PCDH11X: variants seen among roughly 807,000 people sequenced by gnomAD.
PCDH11X encodes the protein protocadherin 11 X-linked.
PCDH11X carries 18 observed loss-of-function variants against 53.3 expected under a neutral mutation model. The observed-to-expected ratio is 0.34, with a 90% confidence interval of 0.23 to 0.50. The LOEUF (loss-of-function observed/expected upper bound fraction) is 0.50, where lower values mean the gene tolerates loss of function less well. Among genes scored for constraint, PCDH11X ranks in the 20% least tolerant of loss-of-function variants. The pLI is 0.98. For missense variants in PCDH11X, 570 were observed against 1,032.4 expected, an observed-to-expected ratio of 0.55 and a Z score of 6.14; for synonymous variants, 279 against 393.3, an observed-to-expected ratio of 0.71 and a Z score of 3.44.
rs2063029067 is a variant in PCDH11X, at chrX:92,030,227, C to G, written c.3033+150954C>G. On this transcript the variant is annotated intron_variant, in intron 6 of 10. Coordinates refer to ENST00000682573, the MANE Select transcript of PCDH11X (RefSeq NM_032968.5). The stretch of plus-strand genomic sequence containing the variant: ...CTGCCCGCCTTGGCCTCTCAAAGTG[C>G]TGGGATTACATGTGTGAGCCATCGC... 2.7e-5 allele frequency among the ~76,000 whole-genome samples: 3 copies of G among 111,876 alleles called. No homozygotes were observed. The Admixed American group carries it at 2.9e-4, about 11-fold the overall frequency.
chrX:91,823,137 A>C (rs1283421205), intron 4 of PCDH11X, among the ~76,000 whole-genome samples: 10 of 109,717 alleles, frequency 9.1e-5, no homozygotes. Flanking sequence ...GTGCTGAAAA[A>C]AATGTATATT....
intron 6 of PCDH11X, among the ~76,000 whole-genome samples, chrX:92,014,225 G>T (rs1198843586): frequency 1.8e-5 from 2 of 110,766 alleles, no homozygotes; most frequent in East Asian, 5.7e-4. Context: ...GTGGGTGAAG[G>T]ATATGAACAG....
At chrX:91,999,868 A>G (rs1176626316) in intron 6 of PCDH11X, among the ~76,000 whole-genome samples, 1 of 111,778 alleles carries the variant, frequency 8.9e-6, no homozygotes, top group East Asian at 2.8e-4. Flanking sequence ...GAATAGCTTC[A>G]TGGCTTGCAG....
At chrX:92,408,817 T>C (rs1385198607) in intron 9 of PCDH11X, among the ~76,000 whole-genome samples, 6 of 108,575 alleles carry the variant, frequency 5.5e-5, no homozygotes, top group South Asian at 4.1e-4. Context: ...CTCCTGACCT[T>C]GTGATCCGCC....
chrX:92,578,766 G>A (rs1332212279), intron 10 of PCDH11X, among the ~76,000 whole-genome samples: 1 of 106,157 alleles, frequency 9.4e-6, no homozygotes, highest in East Asian at 3.0e-4. Context: ...ATATGGTTAT[G>A]TATGAATTGG....
At chrX:92,380,268 G>A (rs1365040155) in intron 8 of PCDH11X, among the ~76,000 whole-genome samples, 3 of 107,708 alleles carry the variant, frequency 2.8e-5, no homozygotes, top group African/African-American at 1.0e-4. Flanking sequence ...CTGGTTATGC[G>A]CAGTGGCCGG....
chrX:92,218,340 C>G lies in PCDH11X; in HGVS notation c.3114+16885C>G, dbSNP rs766150850. ...AGAAAAGAGAGAAGAATCAAATAGACGCAATAAAAAATGATAAAGGGGATA... is the reference window on the plus strand; with the variant it reads ...AGAAAAGAGAGAAGAATCAAATAGAGGCAATAAAAAATGATAAAGGGGATA... On this transcript the variant is annotated intron_variant, in intron 7 of 10. Transcript: ENST00000682573. Among the ~76,000 whole-genome samples the G allele has an allele frequency of 3.6e-5, 4 of 110,330 alleles. No individual in the cohort carries two copies. The East Asian group carries it at 1.1e-3, about 31-fold the overall frequency.
At chrX:91,991,840 GA>G (rs1360599807) in intron 6 of PCDH11X, among the ~76,000 whole-genome samples, 1 of 108,101 alleles carries the variant, frequency 9.3e-6, no homozygotes, top group Admixed American at 9.9e-5. Flanking sequence ...TGCATTTCAA[GA>G]AATTTCCTCT....
intron 8 of PCDH11X, among the ~76,000 whole-genome samples, chrX:92,310,835 A>G (rs2068933063): frequency 8.9e-6 from 1 of 112,274 alleles, no homozygotes; most frequent in Non-Finnish European, 1.9e-5. Flanking sequence ...AATAGTTAAA[A>G]TGTAGATTTC....
At chrX:92,566,722 G>A (rs1602346133) in intron 10 of PCDH11X, among the ~76,000 whole-genome samples, 1 of 111,794 alleles carries the variant, frequency 8.9e-6, no homozygotes. Context: ...AAAGTACTAA[G>A]TATTTGAAGG....
At chrX:92,381,256 T>C (rs1445929150) in intron 8 of PCDH11X, among the ~76,000 whole-genome samples, 2 of 109,892 alleles carry the variant, frequency 1.8e-5, no homozygotes, top group East Asian at 5.6e-4. Context: ...AAGAAAAGTT[T>C]AAAGGAAACA....
chrX:91,974,701 C>G (rs1468900728), intron 6 of PCDH11X, among the ~76,000 whole-genome samples: 2 of 109,223 alleles, frequency 1.8e-5, no homozygotes, highest in Non-Finnish European at 3.8e-5. Flanking sequence ...AACATGGAGA[C>G]ATGGCAGGCC....
At chrX:92,604,314 G>T (rs1926554549) in intron 10 of PCDH11X, among the ~76,000 whole-genome samples, 1 of 109,391 alleles carries the variant, frequency 9.1e-6, no homozygotes, top group Non-Finnish European at 1.9e-5. Flanking sequence ...AAAGTAAATA[G>T]TAAATATAGG....
intron 10 of PCDH11X, among the ~76,000 whole-genome samples, chrX:92,484,329 G>T (rs2073595691): frequency 9.8e-6 from 1 of 101,768 alleles, no homozygotes; most frequent in East Asian, 3.0e-4. Flanking sequence ...ATATATGCTA[G>T]ATCGAATGGT....
At chrX:92,217,222 T>C (rs2066739525) in intron 7 of PCDH11X, among the ~76,000 whole-genome samples, 1 of 110,877 alleles carries the variant, frequency 9.0e-6, no homozygotes, top group Non-Finnish European at 1.9e-5. Context: ...TAAATGTAAA[T>C]GGACTAAATG....
chrX:91,876,107 A>G (rs1420239532), intron 5 of PCDH11X, among the ~76,000 whole-genome samples: 1 of 112,078 alleles, frequency 8.9e-6, no homozygotes, highest in African/African-American at 3.2e-5. Flanking sequence ...TTGAAAACTT[A>G]AATAGTTCGA....
chrX:92,074,592 C>T (rs1370215907), intron 6 of PCDH11X, among the ~76,000 whole-genome samples: 1 of 111,473 alleles, frequency 9.0e-6, no homozygotes, highest in African/African-American at 3.3e-5. Context: ...TCTATTCATT[C>T]ACCTATTGAC....
chrX:91,824,838 T>G (rs1191781414), intron 4 of PCDH11X, among the ~76,000 whole-genome samples: 5 of 108,201 alleles, frequency 4.6e-5, no homozygotes, highest in Non-Finnish European at 9.5e-5. Flanking sequence ...GATGGTGATG[T>G]ACAGATGGGT....
At chrX:92,177,871 A>G (rs1283511147) in intron 6 of PCDH11X, among the ~76,000 whole-genome samples, 1 of 110,876 alleles carries the variant, frequency 9.0e-6, no homozygotes, top group Non-Finnish European at 1.9e-5. Flanking sequence ...ATTATATTAT[A>G]TATACATATA....
Sources: allele counts gnomAD v4.1 joint callset (sites outside exome capture counted in the v4.1 genomes callset), GRCh38; gene constraint gnomAD v4.1.1; transcripts MANE v1.5; gene names NCBI Gene and HGNC (gene_info 2026-07-23, HGNC 2026-07-21).